ANK2: variants seen among roughly 807,000 people sequenced by gnomAD.
ANK2 encodes ankyrin-2.
ANK2 carries 83 observed loss-of-function variants against 360.5 expected under a neutral mutation model. The observed-to-expected ratio is 0.23, with a 90% CI of 0.19 to 0.28. ANK2 has a LOEUF of 0.28. ANK2 is among the 10% of genes least tolerant of loss of function. ANK2 has a pLI of 1.00. For synonymous variants in ANK2, 1,740 were observed against 1,759.5 expected (o/e 0.99, Z 0.28); for missense variants, 4,201 against 4,795.7 (o/e 0.88, Z 3.66).
intron 1 of ANK2, among the ~76,000 whole-genome samples, chr4:113,074,917 A>T (rs934176502): frequency 3.9e-5 from 6 of 152,246 alleles, no homozygotes; most frequent in Non-Finnish European, 8.8e-5. Flanking sequence ...TCTTAAAACA[A>T]CAGGGTTGAC....
the ANK2 span, among the ~76,000 whole-genome samples, chr4:112,753,999 G>A: frequency 6.6e-6 from 1 of 151,380 alleles, no homozygotes; most frequent in Non-Finnish European, 1.5e-5. Flanking sequence ...TTGGGAGGCT[G>A]AGGCACGATA....
At chr4:112,920,889 ATAT>A (rs948520386) in intron 2 of ANK2, among the ~76,000 whole-genome samples, 1 of 152,158 alleles carries the variant, frequency 6.6e-6, no homozygotes, top group Admixed American at 6.5e-5. Flanking sequence ...AAATAGTTAA[ATAT>A]TATATTTAAA....
chr4:113,265,081 T>A, intron 14 of ANK2, 86 bp downstream of exon 14: 2 of 1,233,610 alleles, frequency 1.6e-6, no homozygotes, highest in Non-Finnish European at 2.3e-6. Context: ...AGTTCCTTGA[T>A]TTGGAAATAC....
the ANK2 span, among the ~76,000 whole-genome samples, chr4:112,811,774 A>G: frequency 4.6e-5 from 7 of 152,128 alleles, no homozygotes; most frequent in African/African-American, 1.7e-4. Flanking sequence ...CGCCTTATTA[A>G]TTAGAGCTAT....
At chr4:113,022,881 A>G (rs892982501) in intron 2 of ANK2, among the ~76,000 whole-genome samples, 1 of 152,184 alleles carries the variant, frequency 6.6e-6, no homozygotes, top group Non-Finnish European at 1.5e-5. Flanking sequence ...AAAAGGGGAG[A>G]TGTCTCTATT....
chr4:112,831,874 A>G (rs954057189), intron 1 of ANK2, among the ~76,000 whole-genome samples: 6 of 152,158 alleles, frequency 3.9e-5, no homozygotes, highest in Non-Finnish European at 8.8e-5. Flanking sequence ...TGTAACACTC[A>G]TTGTGAAGGT....
At chr4:112,880,893 T>C (rs2076524957) in intron 1 of ANK2, 1 of 152,232 alleles carries the variant, frequency 6.6e-6, no homozygotes. Flanking sequence ...ATAGAGTCTC[T>C]TCCTAGACAA....
intron 2 of ANK2, among the ~76,000 whole-genome samples, chr4:113,179,720 T>A (rs1296639732): frequency 6.6e-6 from 1 of 152,204 alleles, no homozygotes; most frequent in Non-Finnish European, 1.5e-5. Flanking sequence ...TATTCCCTAT[T>A]TAGTAATTCT....
intron 1 of ANK2, among the ~76,000 whole-genome samples, chr4:112,865,555 A>G: frequency 6.6e-6 from 1 of 152,218 alleles, no homozygotes. Flanking sequence ...ATAGATGAAT[A>G]AACTGCTTAC....
In ANK2 at chr4:113,330,365, G is replaced by A. The variant is rs1554509161; in HGVS notation, c.3020G>A (p.Arg1007Gln). The part of the protein sequence containing the change: ...KCTAPTRVTC[R>Q]LVKRHRLATM... ...ACTGCTCCAACGCGAGTCACCTGCC[G>A]ACTGGTCAAGCGCCACAGACTGGCA... Residue 1007 changes from arginine to glutamine, a missense_variant, in exon 27 of 46, where the codon CGA becomes CAA. By Grantham distance (43) the Arg-to-Gln change is conservative (BLOSUM62 1). Coordinates refer to ENST00000357077, the MANE Select transcript of ANK2 (RefSeq NM_001148.6). 2 of 1,614,160 alleles carry A rather than the reference G, an allele frequency of 1.2e-6. No individual in the cohort carries two copies. The highest frequency in any genetic ancestry group is 1.1e-5 in the South Asian group (1 of 91,072).
At chr4:112,893,846 A>T (rs977206749) in intron 1 of ANK2, among the ~76,000 whole-genome samples, 13 of 152,148 alleles carry the variant, frequency 8.5e-5, no homozygotes, top group Admixed American at 8.5e-4. Context: ...AACACAAAAA[A>T]GTTTGCCCAG....
At chr4:113,158,361 A>G (rs1185216435) in intron 1 of ANK2, among the ~76,000 whole-genome samples, 1 of 152,218 alleles carries the variant, frequency 6.6e-6, no homozygotes, top group African/African-American at 2.4e-5. Context: ...TGAAACCATG[A>G]TCAGAAGAGA....
chr4:113,381,626 C>T lies in ANK2; in HGVS notation c.*155C>T. 1 of 1,554,118 alleles carries T rather than the reference C, an allele frequency of 6.4e-7. No homozygotes were observed. Among genetic ancestry groups the T allele is most frequent in the East Asian group, 2.4e-5 (1 of 41,364 alleles). On this transcript the variant is annotated 3_prime_UTR_variant, in exon 46 of 46. Transcript: ENST00000357077. ...GCATTTCTGCAAGGAGGACTTGAAG[C>T]AAGAGGCCAAGTGAGGGGCTGCCCA...
At chr4:112,759,587 A>G in the ANK2 span, among the ~76,000 whole-genome samples, 3 of 152,224 alleles carry the variant, frequency 2.0e-5, no homozygotes, top group African/African-American at 7.2e-5. Flanking sequence ...TTCCATCTCA[A>G]TAGTGTTGAG....
chr4:112,810,974 C>T, the ANK2 span, among the ~76,000 whole-genome samples: 3 of 144,258 alleles, frequency 2.1e-5, no homozygotes, highest in African/African-American at 5.1e-5. Context: ...CTTGCTCTGT[C>T]GCCCAGGCTG....
At chr4:113,009,484 C>T (rs1170821198) in intron 2 of ANK2, among the ~76,000 whole-genome samples, 1 of 152,090 alleles carries the variant, frequency 6.6e-6, no homozygotes, top group Admixed American at 6.6e-5. Context: ...CTGTAAACAC[C>T]AGGAAATTTA....
chr4:113,297,947 G>A lies in ANK2; in HGVS notation c.2475+4409G>A, dbSNP rs560409461. ...AGGTGGGCAGGTGCCACCACTCCTG[G>A]CTAATTTTTGTATTGTTTTGTAGAG... On this transcript the variant is annotated intron_variant, in intron 22 of 45. Transcript: ENST00000357077. Among the ~76,000 whole-genome samples, 37 of 151,996 alleles carry A rather than the reference G, an allele frequency of 2.4e-4. 1 individual carries two copies. The highest frequency in any genetic ancestry group is 4.9e-4 in the Non-Finnish European group (33 of 67,970).
intron 4 of ANK2, among the ~76,000 whole-genome samples, chr4:113,203,289 T>A (rs2098873434): frequency 6.6e-6 from 1 of 152,186 alleles, no homozygotes; most frequent in Non-Finnish European, 1.5e-5. Flanking sequence ...TTTAAAAAAA[T>A]GTTCAAATTT....
At chr4:113,108,641 G>A (rs909352964) in intron 1 of ANK2, among the ~76,000 whole-genome samples, 4 of 152,116 alleles carry the variant, frequency 2.6e-5, no homozygotes, top group African/African-American at 9.7e-5. Context: ...CGCTGAGAGA[G>A]CTTCTACTCT....
Sources: gnomAD v4.1 joint callset for allele counts (sites outside exome capture counted in the v4.1 genomes callset) on GRCh38, gnomAD v4.1.1 for gene constraint, MANE v1.5 for transcripts, NCBI Gene and HGNC (gene_info 2026-07-23, HGNC 2026-07-21) for gene names.